The following CTNNA3 variants were observed in gnomAD, a reference collection of about 807,000 sequenced individuals.
CTNNA3 encodes catenin alpha 3, also known as catenin alpha-3.
In CTNNA3, 76 loss-of-function variants were observed where a neutral mutation model predicts 95.7. The ratio of observed to expected loss-of-function variants is 0.79; its 90% CI spans 0.66 to 0.96. The LOEUF is 0.96. Ranked by LOEUF, CTNNA3 falls within the 40% of genes least tolerant of loss-of-function variation. CTNNA3 has a pLI of 0.00. For missense variants in CTNNA3, 1,191 were observed against 1,089.8 expected (o/e 1.09, Z -1.31); for synonymous variants, 431 against 374.4 (o/e 1.15, Z -1.74).
intron 5 of CTNNA3, among the ~76,000 whole-genome samples, chr10:67,338,916 CATGAG>C (rs1196150740): frequency 6.6e-6 from 1 of 152,180 alleles, no homozygotes; most frequent in Non-Finnish European, 1.5e-5. Flanking sequence ...ATGAATACAG[CATGAG>C]ATAAGAGTCA....
intron 5 of CTNNA3, among the ~76,000 whole-genome samples, chr10:67,251,357 G>C (rs955381996): frequency 7.9e-5 from 12 of 152,082 alleles, no homozygotes; most frequent in Admixed American, 2.0e-4. Context: ...ATGGGTACAG[G>C]GTTGCTTTTG....
chr10:67,200,472 G>C (rs1281793392), intron 6 of CTNNA3, among the ~76,000 whole-genome samples: 1 of 152,142 alleles, frequency 6.6e-6, no homozygotes, highest in Admixed American at 6.5e-5. Context: ...CTCTGCATCA[G>C]CACCAAAAAT....
chr10:66,541,436 G>T (rs2631212), intron 10 of CTNNA3, among the ~76,000 whole-genome samples: 140,104 of 152,162 alleles, frequency 0.92, 64,701 homozygotes, highest in East Asian at 0.98. Context: ...GCCTTCCATT[G>T]CTTCCCTTCA....
intron 13 of CTNNA3, among the ~76,000 whole-genome samples, chr10:66,153,530 G>C (rs993479554): frequency 1.3e-5 from 2 of 151,924 alleles, no homozygotes; most frequent in African/African-American, 4.8e-5. Flanking sequence ...TTTTGAGTCT[G>C]CTGCAGACAT....
intron 7 of CTNNA3, among the ~76,000 whole-genome samples, chr10:67,120,726 G>C (rs925321842): frequency 3.3e-5 from 5 of 151,980 alleles, no homozygotes. Flanking sequence ...TTTTCTTGAT[G>C]AATATTATAG....
chr10:67,508,787 A>G (rs934860867), intron 5 of CTNNA3, among the ~76,000 whole-genome samples: 4 of 152,216 alleles, frequency 2.6e-5, no homozygotes, highest in African/African-American at 9.6e-5. Flanking sequence ...GAAAATCTAT[A>G]AGGAAGTCAT....
At chr10:66,939,737 A>G (rs1376523900) in intron 7 of CTNNA3, among the ~76,000 whole-genome samples, 2 of 152,184 alleles carry the variant, frequency 1.3e-5, no homozygotes, top group East Asian at 3.9e-4. Context: ...TTTTTGGAAC[A>G]TACGTGATAA....
chr10:66,267,086 T>C (rs2091176540), intron 13 of CTNNA3, among the ~76,000 whole-genome samples: 1 of 152,080 alleles, frequency 6.6e-6, no homozygotes, highest in African/African-American at 2.4e-5. Context: ...ACTGAGGAAC[T>C]GAAAGGGATG....
intron 12 of CTNNA3, among the ~76,000 whole-genome samples, chr10:66,358,940 G>A (rs886066501): frequency 6.6e-6 from 1 of 151,902 alleles, no homozygotes; most frequent in African/African-American, 2.4e-5. Context: ...TATTCATTTT[G>A]TTCCTTAACA....
intron 7 of CTNNA3, among the ~76,000 whole-genome samples, chr10:66,962,437 G>A (rs1335352056): frequency 6.7e-6 from 1 of 149,738 alleles, no homozygotes; most frequent in Non-Finnish European, 1.5e-5. Flanking sequence ...TTGAGACAGA[G>A]TCTCACTCTG....
At chr10:66,533,990 A>G (rs1195584429) in intron 10 of CTNNA3, among the ~76,000 whole-genome samples, 1 of 152,132 alleles carries the variant, frequency 6.6e-6, no homozygotes, top group Non-Finnish European at 1.5e-5. Flanking sequence ...GGCCACTACT[A>G]AAGTGCATAT....
intron 5 of CTNNA3, among the ~76,000 whole-genome samples, chr10:67,367,792 T>C (rs1304558293): frequency 2.0e-5 from 3 of 152,144 alleles, no homozygotes; most frequent in Non-Finnish European, 2.9e-5. Flanking sequence ...AGTGAACTAA[T>C]GCAGAAACAG....
At chr10:66,209,304 C>T (rs2087970733) in intron 13 of CTNNA3, among the ~76,000 whole-genome samples, 1 of 152,116 alleles carries the variant, frequency 6.6e-6, no homozygotes, top group South Asian at 2.1e-4. Context: ...GAAGCTTACA[C>T]TCTAGTGAGG....
intron 15 of CTNNA3, among the ~76,000 whole-genome samples, chr10:66,045,533 C>CAAAG (rs1251465653): frequency 6.6e-6 from 1 of 152,072 alleles, no homozygotes; most frequent in African/African-American, 2.4e-5. Context: ...TTTGGTATCT[C>CAAAG]TAGTGGCATC....
intron 16 of CTNNA3, among the ~76,000 whole-genome samples, chr10:65,973,377 A>G (rs909553520): frequency 2.0e-5 from 3 of 152,208 alleles, no homozygotes; most frequent in African/African-American, 7.2e-5. Flanking sequence ...GAGCTTCTGC[A>G]TAGCAACAAA....
At chr10:67,286,882 CT>C (rs1839624543) in intron 5 of CTNNA3, among the ~76,000 whole-genome samples, 1 of 152,058 alleles carries the variant, frequency 6.6e-6, no homozygotes, top group East Asian at 1.9e-4. Context: ...TTTCACAAGC[CT>C]GAGAATTATT....
At chr10:66,228,350 G>T (rs564714670) in intron 13 of CTNNA3, among the ~76,000 whole-genome samples, 26 of 151,674 alleles carry the variant, frequency 1.7e-4, no homozygotes, top group Non-Finnish European at 3.5e-4. Context: ...CACAGGTTTT[G>T]GTATGCTGTC....
At chr10:66,633,658 C>T (rs149210472) in intron 9 of CTNNA3, among the ~76,000 whole-genome samples, 1 of 151,518 alleles carries the variant, frequency 6.6e-6, no homozygotes, top group East Asian at 1.9e-4. Flanking sequence ...CCAGCCTGGG[C>T]AACAGAGCAA....
At chr10:67,113,288 AT>A (rs1859001552) in intron 7 of CTNNA3, among the ~76,000 whole-genome samples, 2 of 151,978 alleles carry the variant, frequency 1.3e-5, no homozygotes, top group African/African-American at 2.4e-5. Context: ...TAGGATGCTA[AT>A]TTTTTTCTTC....
Sources: gnomAD v4.1 joint callset for allele counts (sites outside exome capture counted in the v4.1 genomes callset) on GRCh38, gnomAD v4.1.1 for gene constraint, MANE v1.5 for transcripts, NCBI Gene and HGNC (gene_info 2026-07-23, HGNC 2026-07-21) for gene names.